Variants in NOTCH2 observed in about 807,000 individuals in gnomAD.
The protein encoded by NOTCH2 is notch receptor 2.
A neutral mutation model predicts 235.8 loss-of-function variants in NOTCH2; 29 were observed. The observed-to-expected ratio is 0.12, with a 90% confidence interval of 0.09 to 0.17. The LOEUF (loss-of-function observed/expected upper bound fraction) is 0.17, where lower values mean the gene tolerates loss of function less well. Among genes scored for constraint, NOTCH2 ranks in the 10% least tolerant of loss-of-function variants. The probability of loss-of-function intolerance (pLI) is 1.00; values close to 1 mark genes in which losing one functional copy is unlikely to be tolerated. For synonymous variants in NOTCH2, 1,086 were observed against 1,141.5 expected (o/e 0.95, Z 0.98); for missense variants, 2,285 against 3,150.2 (o/e 0.73, Z 6.57).
intron 1 of NOTCH2, among the ~76,000 whole-genome samples, chr1:120,057,156 T>C (rs1286521818): frequency 2.1e-5 from 3 of 143,524 alleles, no homozygotes; most frequent in South Asian, 4.4e-4. Context: ...AGCCAGTCTG[T>C]ACTACAACAT....
chr1:119,935,246 T>G, intron 22 of NOTCH2: 1 of 1,438,890 alleles, frequency 6.9e-7, no homozygotes, highest in Non-Finnish European at 9.1e-7. Flanking sequence ...TCATGGAATA[T>G]CAAGATGCCA....
chr1:119,959,368 G>A (rs781978342), intron 12 of NOTCH2, 24 bp downstream of exon 12: 2 of 1,211,532 alleles, frequency 1.7e-6, no homozygotes, highest in Non-Finnish European at 2.5e-6. Flanking sequence ...TGAAGGAGGG[G>A]CCTTGCAGTA....
intron 14 of NOTCH2, among the ~76,000 whole-genome samples, chr1:119,952,544 T>A (rs1448201619): frequency 1.3e-5 from 2 of 152,184 alleles, no homozygotes; most frequent in African/African-American, 4.8e-5. Context: ...ACAATCTACA[T>A]CCTTCACATG....
chr1:119,966,446 C>A lies in NOTCH2; in HGVS notation c.1497G>T (p.Gln499His). 6.2e-7 allele frequency: 1 copy of A among 1,613,986 alleles called. No individual in the cohort carries two copies. Among genetic ancestry groups the A allele is most frequent in the South Asian group, 1.1e-5 (1 of 91,078 alleles). Residue 499 changes from glutamine to histidine, a missense_variant, in exon 9 of 34, where the codon CAG (glutamine) becomes CAT (histidine). Coordinates refer to ENST00000256646, the MANE Select transcript of NOTCH2 (RefSeq NM_024408.4). ...VHCELEINEC[Q>H]SNPCVNNGQC... ...GCCCATTGTTCACACAAGGGTTGCT[C>A]TGACATTCATTTATTTCTAATTCAC...
chr1:119,924,054 T>C lies in NOTCH2; in HGVS notation c.4512-70A>G. 2.3e-6 allele frequency: 3 copies of C among 1,315,958 alleles called. No homozygotes were observed. The South Asian group carries it at 3.7e-5, about 16-fold the overall frequency. 81.5% of individuals were successfully genotyped at this position (1,315,958 alleles called of 1,614,324 possible). Reference sequence around the variant, plus strand: ...ACTGGAGCTCTATTTGCTTTTTCATTTGGAACTACTGTGGATTTTCCTACC... The same window carrying C: ...ACTGGAGCTCTATTTGCTTTTTCATCTGGAACTACTGTGGATTTTCCTACC... On this transcript the variant is annotated intron_variant, in intron 25 of 33. Transcript: ENST00000256646.
At chr1:119,923,017 C>A (rs1013593742) in intron 26 of NOTCH2, among the ~76,000 whole-genome samples, 22 of 152,180 alleles carry the variant, frequency 1.4e-4, no homozygotes, top group African/African-American at 4.6e-4. Context: ...TCTGGCTGAC[C>A]AAAGCCTTCT....
chr1:119,937,765 T>C lies in NOTCH2; in HGVS notation c.3337+92A>G. 3 of 1,465,078 alleles carry C rather than the reference T, an allele frequency of 2.0e-6. No individual in the cohort carries two copies. In the South Asian group the frequency reaches 3.5e-5, roughly 17 times the overall value. 90.8% of individuals were successfully genotyped at this position (1,465,078 alleles called of 1,614,324 possible). A position where few individuals can be genotyped will look rare whatever the true frequency, so the allele number is the denominator to read the frequency against. ...CCACCCACTACTATCTGCCCTTCCC[T>C]CTTATTCCACAAAAAAATGATACCT... On this transcript the variant is annotated intron_variant, in intron 20 of 33. Coordinates refer to ENST00000256646, the MANE Select transcript of NOTCH2 (RefSeq NM_024408.4).
In NOTCH2 at chr1:119,915,984, T is replaced by A. The variant is rs1398589490; in HGVS notation, c.6738A>T (p.Pro2246=). The change falls in exon 34 of 34, where the codon CCA becomes CCT. Residue 2246 remains proline (P), a synonymous_variant. Transcript: ENST00000256646. The part of the protein sequence containing the change: ...GSAGSLSRLH[P]VPVPADWMNR... Reference sequence around the variant, plus strand: ...TCATCCAATCTGCTGGGACTGGGACTGGATGGAGCCTACTCAAGCTTCCAG... The same window carrying A: ...TCATCCAATCTGCTGGGACTGGGACAGGATGGAGCCTACTCAAGCTTCCAG... 6.2e-7 allele frequency: 1 copy of A among 1,613,978 alleles called. No homozygotes were observed. The highest frequency in any genetic ancestry group is 1.1e-5 in the South Asian group (1 of 91,090).
chr1:119,931,874 A>C (rs1225905811), intron 22 of NOTCH2, among the ~76,000 whole-genome samples: 1 of 151,508 alleles, frequency 6.6e-6, no homozygotes, highest in Non-Finnish European at 1.5e-5. Context: ...AAATCACTAT[A>C]AAGAAAAAAG....
chr1:119,919,741 T>C (rs1649206190), intron 30 of NOTCH2, 128 bp from the exon 31 acceptor site: 1 of 884,640 alleles, frequency 1.1e-6, no homozygotes, highest in Admixed American at 2.0e-5. Context: ...TTGTAGTAAC[T>C]GGTTATTAGT....
rs1381795293 is a variant in NOTCH2, at chr1:119,948,478, C to A, written c.2688G>T (p.Met896Ile). ...GLCHNTQGSY[M>I]CECPPGFSGM... is the part of the protein sequence containing the mutation. ...CACTGAAGCCTGGTGGACATTCACA[C>A]ATGTAGCTGCCCTGGGTGTTATGGC... The change falls in exon 17 of 34, where the codon ATG becomes ATT. Residue 896 changes from methionine (M) to isoleucine (I), a missense_variant. By Grantham distance (10) the Met-to-Ile change is conservative (BLOSUM62 1). Transcript: ENST00000256646. 1.2e-6 allele frequency: 2 copies of A among 1,614,100 alleles called. No individual in the cohort carries two copies. Among genetic ancestry groups the A allele is most frequent in the Non-Finnish European group, 1.7e-6 (2 of 1,180,050 alleles).
chr1:120,058,194 T>A (rs1469144852), intron 1 of NOTCH2, among the ~76,000 whole-genome samples: 1 of 151,536 alleles, frequency 6.6e-6, no homozygotes, highest in Admixed American at 6.6e-5. Flanking sequence ...GAAAAAAAAA[T>A]CTGATGTTTA....
chr1:120,004,670 G>A (rs1444071003), intron 3 of NOTCH2, among the ~76,000 whole-genome samples: 2 of 152,106 alleles, frequency 1.3e-5, no homozygotes, highest in Non-Finnish European at 2.9e-5. Context: ...TGTCTAGGGA[G>A]GGAGATTTCT....
chr1:119,935,970 C>A (rs1649834755), intron 21 of NOTCH2, among the ~76,000 whole-genome samples: 2 of 152,180 alleles, frequency 1.3e-5, no homozygotes, highest in South Asian at 4.1e-4. Context: ...GACCCTATGA[C>A]TCGGTCAAAA....
chr1:119,937,284 C>A lies in NOTCH2; in HGVS notation c.3520G>T (p.Glu1174Ter). Reference sequence around the variant, plus strand: ...CTCTGCTTGCTCAGTGTCCTCACCTCGCATCTGTATCCACCAATGAAGTCA... The same window carrying A: ...CTCTGCTTGCTCAGTGTCCTCACCTAGCATCTGTATCCACCAATGAAGTCA... ...CSDFIGGYRC[E>*]CVPGYQGVNC... Residue 1174 changes from glutamate (E) to a stop codon, truncating the protein, a stop_gained and splice_region_variant, in exon 21 of 34, where the codon GAG becomes TAG. Coordinates refer to ENST00000256646, the MANE Select transcript of NOTCH2 (RefSeq NM_024408.4). LOFTEE classifies it high-confidence loss of function. 1 of 1,613,150 alleles carries A rather than the reference C, an allele frequency of 6.2e-7. No homozygotes were observed. The highest frequency in any genetic ancestry group is 1.1e-5 in the South Asian group (1 of 91,036).
rs1650071383 is a variant in NOTCH2, at chr1:119,941,724, T to C, written c.2783A>G (p.Asp928Gly). ...NPCQNGGSCM[D>G]GVNTFSCLCL... ...GAGGCAGGAGAAAGTATTCACTCCA[T>C]CCATACAGGAACCTCCATTCTGGCA... The change falls in exon 18 of 34, where the codon GAT becomes GGT. Residue 928 changes from aspartate to glycine, a missense_variant. Asp to Gly is a moderately conservative substitution (Grantham distance 94, BLOSUM62 -1). Transcript: ENST00000256646. 6.2e-7 allele frequency: 1 copy of C among 1,614,064 alleles called. No individual in the cohort carries two copies. Among genetic ancestry groups the C allele is most frequent in the Non-Finnish European group, 8.5e-7 (1 of 1,179,946 alleles).
intron 2 of NOTCH2, among the ~76,000 whole-genome samples, chr1:120,008,856 A>T (rs1553206546): frequency 2.6e-5 from 4 of 152,250 alleles, no homozygotes; most frequent in African/African-American, 9.6e-5. Flanking sequence ...TTTACATTCT[A>T]ATAGCTGAAG....
intron 4 of NOTCH2, among the ~76,000 whole-genome samples, chr1:119,987,816 T>TCAGGC (rs782509563): frequency 7.9e-5 from 12 of 152,194 alleles, no homozygotes; most frequent in Non-Finnish European, 1.6e-4. Context: ...TTCAAATTCA[T>TCAGGC]CAGGCTCTTC....
At chr1:119,951,850 T>G (rs2101119832) in intron 14 of NOTCH2, among the ~76,000 whole-genome samples, 2 of 152,386 alleles carry the variant, frequency 1.3e-5, no homozygotes, top group Non-Finnish European at 2.9e-5. Context: ...GCATATAATT[T>G]GGGATTTTAC....
Sources: gnomAD v4.1 joint callset for allele counts (sites outside exome capture counted in the v4.1 genomes callset) on GRCh38, gnomAD v4.1.1 for gene constraint, MANE v1.5 for transcripts, NCBI Gene and HGNC (gene_info 2026-07-23, HGNC 2026-07-21) for gene names.